Variants in NFATC3 observed in about 807,000 individuals in gnomAD.
NFATC3 encodes nuclear factor of activated T-cells, cytoplasmic 3.
A neutral mutation model predicts 98.6 loss-of-function variants in NFATC3; 46 were observed. That is an observed-to-expected ratio of 0.47 (90% CI 0.37 to 0.60). NFATC3 has a LOEUF of 0.60. NFATC3 is among the 20% of genes least tolerant of loss of function. The pLI is 0.00. For synonymous variants in NFATC3, 512 were observed against 472.2 expected, an observed-to-expected ratio of 1.08 and a Z score of -1.09; for missense variants, 1,256 against 1,295.5, an observed-to-expected ratio of 0.97 and a Z score of 0.47.
intron 3 of NFATC3, among the ~76,000 whole-genome samples, chr16:68,142,862 C>G (rs1037638549): frequency 1.3e-5 from 2 of 152,004 alleles, no homozygotes; most frequent in African/African-American, 4.8e-5. Flanking sequence ...TTCTTCTTTT[C>G]CAACTTAAAT....
chr16:68,144,096 A>G (rs944352252), intron 3 of NFATC3, among the ~76,000 whole-genome samples: 1 of 152,198 alleles, frequency 6.6e-6, no homozygotes, highest in Non-Finnish European at 1.5e-5. Flanking sequence ...TGTGCAAAGC[A>G]TATATCTGTC....
At position 68,122,891 on chromosome 16, in the gene NFATC3, C is replaced by T; in HGVS notation, c.1008C>T (p.Ile336=). The T allele has an allele frequency of 1.9e-6, 3 of 1,614,194 alleles. No homozygotes were observed. The highest frequency in any genetic ancestry group is 2.5e-6 in the Non-Finnish European group (3 of 1,180,034). ...TTCAGTACTGTGTAGAGACTGACAT[C>T]CCTCTCAAAACAAGGAAAACTTCTG... is the stretch of plus-strand genomic sequence containing the variant. ...FPFQYCVETD[I]PLKTRKTSED... Residue 336 remains isoleucine (I), a synonymous_variant, in exon 2 of 10, where the codon ATC becomes ATT. Coordinates refer to ENST00000346183, the MANE Select transcript of NFATC3 (RefSeq NM_173165.3).
rs1350376095 is a variant in NFATC3, at chr16:68,085,419, C to T, written c.-263C>T. 3.1e-5 allele frequency: 7 copies of T among 223,776 alleles called. No homozygotes were observed. The highest frequency in any genetic ancestry group is 4.6e-5 in the Non-Finnish European group (6 of 129,074). The allele number at this position is 223,776 out of a possible 1,614,324, so 13.9% of individuals were successfully genotyped here. On this transcript the variant is annotated 5_prime_UTR_variant, in exon 1 of 10. Coordinates refer to ENST00000346183, the MANE Select transcript of NFATC3 (RefSeq NM_173165.3). ...GGCGGTGGCGGCGACTGTGGGGGGGCGGCGGGGAACATTGGCTAAGCCGAC... is the reference window on the plus strand; with the variant it reads ...GGCGGTGGCGGCGACTGTGGGGGGGTGGCGGGGAACATTGGCTAAGCCGAC...
At chr16:68,106,757 TA>T (rs1949251830) in intron 1 of NFATC3, among the ~76,000 whole-genome samples, 1 of 151,876 alleles carries the variant, frequency 6.6e-6, no homozygotes, top group Non-Finnish European at 1.5e-5. Context: ...TTTTTTAATT[TA>T]ATTTAATTTT....
chr16:68,148,630 C>G (rs569392226), intron 3 of NFATC3, among the ~76,000 whole-genome samples: 1 of 152,262 alleles, frequency 6.6e-6, no homozygotes, highest in South Asian at 2.1e-4. Context: ...TGGAAAGGTT[C>G]AGGAATTTGA....
intron 9 of NFATC3, among the ~76,000 whole-genome samples, chr16:68,215,814 G>A (rs1289146811): frequency 3.6e-5 from 5 of 138,878 alleles, no homozygotes; most frequent in Non-Finnish European, 6.1e-5. Context: ...TGCACGCTCC[G>A]CCTCCCAGGT....
chr16:68,174,379 C>T lies in NFATC3; in HGVS notation c.1780C>T (p.Arg594Trp). The T allele has an allele frequency of 2.0e-6, 3 of 1,467,008 alleles. No homozygotes were observed. The highest frequency in any genetic ancestry group is 2.7e-6 in the Non-Finnish European group (3 of 1,107,822). The allele number at this position is 1,467,008 out of a possible 1,614,324, so 90.9% of individuals were successfully genotyped here. The change falls in exon 6 of 10, where the codon CGG (arginine) becomes TGG (tryptophan). Residue 594 changes from arginine (R) to tryptophan (W), a missense_variant. Transcript: ENST00000346183. ...TTTAAAAAAATTTAAAACAGCCCAG[C>T]GGTCTGCTCAAGAACTTCCTCATAT... ...IASIPVECSQ[R>W]SAQELPHIEK...
intron 4 of NFATC3, among the ~76,000 whole-genome samples, chr16:68,158,927 T>C (rs2038749871): frequency 6.6e-6 from 1 of 152,218 alleles, no homozygotes; most frequent in African/African-American, 2.4e-5. Context: ...CAGAACACAT[T>C]GTCACCTCAA....
chr16:68,194,252 C>T (rs867040437), intron 9 of NFATC3, among the ~76,000 whole-genome samples: 14 of 152,166 alleles, frequency 9.2e-5, no homozygotes, highest in African/African-American at 2.9e-4. Context: ...GAACAGAACT[C>T]TCTACTAAAC....
Position 68,194,326 on chromosome 16 carries a change from C to T in NFATC3, c.3106+2551C>T, listed in dbSNP as rs150921061. Among the ~76,000 whole-genome samples the T allele has an allele frequency of 6.1e-3, 924 of 152,282 alleles. 6 individuals are homozygous for T. The highest frequency in any genetic ancestry group is 0.021 in the African/African-American group (855 of 41,550). ...CTCCAGAAATGCATGTGCACAATTTCACTGCGTTAACCCATGTTCACAACT... is the reference window on the plus strand; with the variant it reads ...CTCCAGAAATGCATGTGCACAATTTTACTGCGTTAACCCATGTTCACAACT... On this transcript the variant is annotated intron_variant, in intron 9 of 9. Transcript: ENST00000346183.
intron 2 of NFATC3, among the ~76,000 whole-genome samples, chr16:68,125,010 C>T (rs976452498): frequency 6.6e-6 from 1 of 152,202 alleles, no homozygotes; most frequent in South Asian, 2.1e-4. Context: ...GGATTACAGG[C>T]GTGAGCCACT....
intron 1 of NFATC3, among the ~76,000 whole-genome samples, chr16:68,111,694 G>A (rs899265944): frequency 2.0e-5 from 3 of 152,168 alleles, no homozygotes; most frequent in Non-Finnish European, 4.4e-5. Flanking sequence ...TTGCAGACGT[G>A]TTAATGTAGT....
intron 9 of NFATC3, among the ~76,000 whole-genome samples, chr16:68,223,129 T>C (rs117078321): frequency 8.9e-4 from 136 of 152,354 alleles, no homozygotes; most frequent in Admixed American, 1.4e-3. Context: ...AAAGAAACTA[T>C]TCCAGTGAGT....
intron 1 of NFATC3, among the ~76,000 whole-genome samples, chr16:68,099,043 G>T (rs1405034625): frequency 1.3e-5 from 2 of 152,212 alleles, no homozygotes; most frequent in Non-Finnish European, 2.9e-5. Context: ...TAACTCAGAT[G>T]TGAACAATTT....
chr16:68,132,932 A>C (rs767319824), intron 3 of NFATC3, among the ~76,000 whole-genome samples: 9 of 152,044 alleles, frequency 5.9e-5, no homozygotes, highest in African/African-American at 1.9e-4. Context: ...GAAGAATAAG[A>C]CTTGTATTAT....
chr16:68,210,223 G>A (rs943758858), intron 9 of NFATC3, among the ~76,000 whole-genome samples: 6 of 151,746 alleles, frequency 4.0e-5, no homozygotes, highest in Admixed American at 6.6e-5. Context: ...GCGTGAACCC[G>A]GAAGGCGGAG....
intron 2 of NFATC3, among the ~76,000 whole-genome samples, chr16:68,123,390 G>A (rs1490725463): frequency 6.6e-6 from 1 of 151,694 alleles, no homozygotes; most frequent in African/African-American, 2.4e-5. Flanking sequence ...GCTAGGTTTG[G>A]AGGCTTATGC....
intron 8 of NFATC3, chr16:68,189,288 G>A: frequency 5.6e-6 from 1 of 179,436 alleles, no homozygotes; most frequent in Non-Finnish European, 1.2e-5. Flanking sequence ...GATATTGGTT[G>A]TCCTTGACTT....
intron 3 of NFATC3, among the ~76,000 whole-genome samples, chr16:68,145,775 G>A (rs1418822478): frequency 1.3e-5 from 2 of 152,138 alleles, no homozygotes; most frequent in African/African-American, 2.4e-5. Context: ...GTAGTTATTT[G>A]AATCTATATA....
Sources: gnomAD v4.1 joint callset for allele counts (sites outside exome capture counted in the v4.1 genomes callset) on GRCh38, gnomAD v4.1.1 for gene constraint, MANE v1.5 for transcripts, NCBI Gene and HGNC (gene_info 2026-07-23, HGNC 2026-07-21) for gene names.